Variants in SELP observed in about 807,000 individuals in gnomAD.
SELP encodes selectin P.
In SELP, 92 loss-of-function variants were observed where a neutral mutation model predicts 104.1. The observed-to-expected ratio is 0.88, with a 90% CI of 0.75 to 1.05. The LOEUF is 1.05. Ranked by LOEUF, SELP falls within the 50% of genes least tolerant of loss-of-function variation. The pLI is 0.00. For missense variants in SELP, 1,022 were observed against 1,017.3 expected, an observed-to-expected ratio of 1.00 and a Z score of -0.06; for synonymous variants, 397 against 364.5, an observed-to-expected ratio of 1.09 and a Z score of -1.01.
At chr1:169,620,714 T>A (rs1265159225) in intron 1 of SELP, among the ~76,000 whole-genome samples, 1 of 151,644 alleles carries the variant, frequency 6.6e-6, no homozygotes, top group East Asian at 1.9e-4. Flanking sequence ...GTAGCGTGCA[T>A]GGGACGGTGT....
chr1:169,603,326 T>A (rs1380351751), intron 9 of SELP, 115 bp from the exon 10 acceptor site: 6 of 716,246 alleles, frequency 8.4e-6, no homozygotes, highest in Non-Finnish European at 1.3e-5. Flanking sequence ...TGTGTGTGTG[T>A]GTGTGTGTGT....
Position 169,611,616 on chromosome 1 carries a change from G to T in SELP, c.1023C>A (p.Leu341=). ...SEGTMDCVHP[L]TAFAYGSSCK... ...AGCTGGAGCCATAGGCAAAAGCAGTGAGCGGATGAACACAGTCCATGGTTC... is the reference window on the plus strand; with the variant it reads ...AGCTGGAGCCATAGGCAAAAGCAGTTAGCGGATGAACACAGTCCATGGTTC... The change falls in exon 7 of 17, where the codon CTC becomes CTA. Residue 341 remains leucine, a synonymous_variant. Transcript: ENST00000263686. The T allele has an allele frequency of 1.9e-6, 3 of 1,614,126 alleles. No homozygotes were observed. The highest frequency in any genetic ancestry group is 2.5e-6 in the Non-Finnish European group (3 of 1,180,004).
Position 169,602,948 on chromosome 1 carries a change from T to TC in SELP, c.1705+77_1705+78insG, listed in dbSNP as rs1243202872. The TC allele has an allele frequency of 8.3e-5, 109 of 1,311,172 alleles. No individual in the cohort carries two copies. In the African/African-American group the frequency reaches 1.4e-3, roughly 17 times the overall value. 81.2% of individuals were successfully genotyped at this position (1,311,172 alleles called of 1,614,324 possible). A position where few individuals can be genotyped will look rare whatever the true frequency, so the allele number is the denominator to read the frequency against. Reference sequence around the variant, plus strand: ...TTGTTTGCTTCAGCTCAAGAACACTTTTATATAAATCCCTGATGATTCTCC... The same window carrying TC: ...TTGTTTGCTTCAGCTCAAGAACACTTCTTATATAAATCCCTGATGATTCTCC... On this transcript the variant is annotated intron_variant, in intron 10 of 16. Transcript: ENST00000263686.
At chr1:169,620,122 C>T (rs985332748) in intron 1 of SELP, among the ~76,000 whole-genome samples, 1 of 152,036 alleles carries the variant, frequency 6.6e-6, no homozygotes, top group Non-Finnish European at 1.5e-5. Context: ...GCAGGAGAAT[C>T]GCTTGAACCC....
Position 169,612,365 on chromosome 1 carries a change from T to A in SELP, c.813A>T (p.Gly271=). ...TTGCAGAATGAAGGCAGGTCATGTT[T>A]CCTCGTTCAGGAATCTTCAGGGGTG... ...QCPPLKIPER[G]NMTCLHSAKA... Residue 271 remains glycine (G), a synonymous_variant, in exon 6 of 17, where the codon GGA becomes GGT. Transcript: ENST00000263686. 6.2e-7 allele frequency: 1 copy of A among 1,614,118 alleles called. No homozygotes were observed. Among genetic ancestry groups the A allele is most frequent in the Non-Finnish European group, 8.5e-7 (1 of 1,179,992 alleles).
intron 1 of SELP, among the ~76,000 whole-genome samples, chr1:169,623,426 G>A (rs544994543): frequency 1.7e-4 from 26 of 152,100 alleles, no homozygotes; most frequent in African/African-American, 6.3e-4. Context: ...AATAAGATTT[G>A]GTTTAAACAA....
intron 9 of SELP, among the ~76,000 whole-genome samples, chr1:169,605,634 C>A (rs1177400720): frequency 1.3e-5 from 2 of 152,062 alleles, no homozygotes; most frequent in African/African-American, 4.8e-5. Flanking sequence ...TAATGTAGAA[C>A]TGTCTAGTCT....
intron 14 of SELP, 24 bp downstream of exon 14, chr1:169,593,581 A>G: frequency 1.2e-6 from 2 of 1,606,338 alleles, no homozygotes; most frequent in Non-Finnish European, 1.7e-6. Flanking sequence ...CCAAGATGCA[A>G]AGAGAAGACT....
chr1:169,604,074 A>C (rs1047580552), intron 9 of SELP, among the ~76,000 whole-genome samples: 5 of 152,154 alleles, frequency 3.3e-5, no homozygotes, highest in African/African-American at 7.2e-5. Flanking sequence ...CCAACAGTGT[A>C]AAAGTGTTCC....
rs910513305 is a variant in SELP, at chr1:169,590,193, T to A, written c.2448A>T (p.Gly816=). 1.9e-6 allele frequency: 3 copies of A among 1,612,912 alleles called. No individual in the cohort carries two copies. The highest frequency in any genetic ancestry group is 2.5e-6 in the Non-Finnish European group (3 of 1,179,044). The stretch of plus-strand genomic sequence containing the variant: ...CAGCGTTTGTAAAAACTCCATATGT[T>A]CCTAGGTGGCTAAAGAACAGAAACA... ...KCPLNPHSHL[G]TYGVFTNAAF... Residue 816 remains glycine, a synonymous_variant, in exon 16 of 17, where the codon GGA becomes GGT. Coordinates refer to ENST00000263686, the MANE Select transcript of SELP (RefSeq NM_003005.4).
chr1:169,609,269 C>A (rs1662365457), intron 8 of SELP, among the ~76,000 whole-genome samples: 1 of 152,104 alleles, frequency 6.6e-6, no homozygotes, highest in Non-Finnish European at 1.5e-5. Context: ...TTCCAATGCA[C>A]CCTATATGTG....
In SELP at chr1:169,620,155, C is replaced by T. The variant is rs140814832; in HGVS notation, c.4-936G>A. 4.6e-5 allele frequency among the ~76,000 whole-genome samples: 7 copies of T among 152,230 alleles called. No individual in the cohort carries two copies. In the East Asian group the frequency reaches 7.7e-4, roughly 17 times the overall value. ...CCCGGGAGGCGGAGGTTGCAGTGAG[C>T]GGAGATCACACCACTGCACTCTATC... is the stretch of plus-strand genomic sequence containing the variant. On this transcript the variant is annotated intron_variant, in intron 1 of 16. Coordinates refer to ENST00000263686, the MANE Select transcript of SELP (RefSeq NM_003005.4).
At chr1:169,611,765 G>A in intron 6 of SELP, 88 bp from the exon 7 acceptor site, 1 of 1,290,088 alleles carries the variant, frequency 7.8e-7, no homozygotes, top group South Asian at 1.4e-5. Flanking sequence ...CCTCTGAAAT[G>A]CAGGTGGAGC....
chr1:169,599,797 C>A lies in SELP; in HGVS notation c.1706-2621G>T, dbSNP rs1661809845. ...AGCTGGGCCAGAGTTTTAGGGGGCACCAGTTCACCATATTTTAGGACGTGA... is the reference window on the plus strand; with the variant it reads ...AGCTGGGCCAGAGTTTTAGGGGGCAACAGTTCACCATATTTTAGGACGTGA... On this transcript the variant is annotated intron_variant, in intron 10 of 16. Coordinates refer to ENST00000263686, the MANE Select transcript of SELP (RefSeq NM_003005.4). Among the ~76,000 whole-genome samples, 6 of 152,116 alleles carry A rather than the reference C, an allele frequency of 3.9e-5. No individual in the cohort carries two copies. The South Asian group carries it at 1.0e-3, about 26-fold the overall frequency.
chr1:169,599,693 T>C (rs1400675446), intron 10 of SELP, among the ~76,000 whole-genome samples: 2 of 152,136 alleles, frequency 1.3e-5, no homozygotes, highest in Non-Finnish European at 2.9e-5. Flanking sequence ...TATTGTAAAC[T>C]CAAACTTTAG....
At chr1:169,601,441 T>C (rs1392878177) in intron 10 of SELP, among the ~76,000 whole-genome samples, 2 of 152,228 alleles carry the variant, frequency 1.3e-5, no homozygotes, top group African/African-American at 4.8e-5. Flanking sequence ...TACAAGTCTT[T>C]GGATATTAAT....
In SELP at chr1:169,617,449, C is replaced by T. The variant is rs781615658; in HGVS notation, c.95-35G>A. 10 of 1,586,632 alleles carry T rather than the reference C, an allele frequency of 6.3e-6. No individual in the cohort carries two copies. In the Admixed American group the frequency reaches 1.6e-4, roughly 26 times the overall value. ...AGGAGAGTGAGTGCCAGGTTAGTACCCCTCACCAAAAAAGAGGCCGTGATC... is the reference window on the plus strand; with the variant it reads ...AGGAGAGTGAGTGCCAGGTTAGTACTCCTCACCAAAAAAGAGGCCGTGATC... On this transcript the variant is annotated intron_variant, in intron 2 of 16. Coordinates refer to ENST00000263686, the MANE Select transcript of SELP (RefSeq NM_003005.4).
At chr1:169,623,536 T>G (rs80037391) in intron 1 of SELP, among the ~76,000 whole-genome samples, 1 of 152,236 alleles carries the variant, frequency 6.6e-6, no homozygotes, top group African/African-American at 2.4e-5. Context: ...CCACACAAGA[T>G]AAAACAAAGT....
rs1458360396 is a variant in SELP at position 169,597,094 on chromosome 1, G to A, written c.1788C>T (p.Ser596=). 1.2e-6 allele frequency: 2 copies of A among 1,613,314 alleles called. No individual in the cohort carries two copies. Among genetic ancestry groups the A allele is most frequent in the South Asian group, 2.2e-5 (2 of 91,046 alleles). Residue 596 remains serine, a synonymous_variant, in exon 11 of 17, where the codon TCC becomes TCT. Coordinates refer to ENST00000263686, the MANE Select transcript of SELP (RefSeq NM_003005.4). Reference sequence around the variant, plus strand: ...CGTTGTCACAAGAGAAATGGCAGGTGGAGCCAACATTGAATTCTCCACGAG... The same window carrying A: ...CGTTGTCACAAGAGAAATGGCAGGTAGAGCCAACATTGAATTCTCCACGAG... ...SDTRGEFNVG[S]TCHFSCDNGF...
Sources: allele counts gnomAD v4.1 joint callset (sites outside exome capture counted in the v4.1 genomes callset), GRCh38; gene constraint gnomAD v4.1.1; transcripts MANE v1.5; gene names NCBI Gene and HGNC (gene_info 2026-07-23, HGNC 2026-07-21).